The following C2CD3 variants were observed in gnomAD, a reference collection of about 807,000 sequenced individuals.
The protein encoded by C2CD3 is C2 domain-containing protein 3.
Under a neutral mutation model 234.0 loss-of-function variants are expected in C2CD3, and 148 were observed. That is an observed-to-expected ratio of 0.63 (90% CI 0.55 to 0.72). C2CD3 has a LOEUF of 0.72. Ranked by LOEUF, C2CD3 falls within the 30% of genes least tolerant of loss-of-function variation. The pLI, the probability that C2CD3 is intolerant of heterozygous loss-of-function variation, is 0.00. For synonymous variants in C2CD3, 1,000 were observed against 1,035.4 expected (o/e 0.97, Z 0.66); for missense variants, 2,577 against 2,811.5 (o/e 0.92, Z 1.89).
chr11:74,076,655 A>G (rs2135463008), intron 23 of C2CD3, among the ~76,000 whole-genome samples: 1 of 152,264 alleles, frequency 6.6e-6, no homozygotes, highest in Middle Eastern at 3.4e-3. Flanking sequence ...TCACTTCCCA[A>G]TCTATGTATC....
chr11:74,058,634 G>A (rs557927828), intron 24 of C2CD3, among the ~76,000 whole-genome samples: 8 of 152,146 alleles, frequency 5.3e-5, no homozygotes, highest in African/African-American at 1.4e-4. Flanking sequence ...CTACTATGGG[G>A]TTAACAAATG....
chr11:74,116,795 C>T (rs201764609), intron 9 of C2CD3, among the ~76,000 whole-genome samples: 1 of 143,260 alleles, frequency 7.0e-6, no homozygotes, highest in Non-Finnish European at 1.5e-5. Flanking sequence ...TATATACACA[C>T]ACACACGTAT....
At chr11:74,119,449 T>TA (rs1379233612) in intron 8 of C2CD3, among the ~76,000 whole-genome samples, 1 of 151,990 alleles carries the variant, frequency 6.6e-6, no homozygotes, top group Non-Finnish European at 1.5e-5. Flanking sequence ...GTTCCATTTT[T>TA]AAAAAAAGAC....
chr11:74,040,353 C>A (rs1199132838), intron 29 of C2CD3, among the ~76,000 whole-genome samples: 2 of 152,130 alleles, frequency 1.3e-5, no homozygotes, highest in Non-Finnish European at 2.9e-5. Context: ...AAGGTTGGGG[C>A]TGCTGGTCTA....
chr11:74,116,186 C>A (rs1169286275), intron 9 of C2CD3, among the ~76,000 whole-genome samples: 8 of 152,150 alleles, frequency 5.3e-5, no homozygotes, highest in African/African-American at 1.9e-4. Context: ...AGTAAACAGA[C>A]AACCCACAGA....
At chr11:74,112,139 A>G (rs1956773257) in intron 11 of C2CD3, among the ~76,000 whole-genome samples, 1 of 152,208 alleles carries the variant, frequency 6.6e-6, no homozygotes. Context: ...AAATTTAAAA[A>G]TCCCGTGTTA....
intron 32 of C2CD3, among the ~76,000 whole-genome samples, chr11:74,021,800 G>A (rs1406267986): frequency 6.6e-6 from 1 of 152,192 alleles, no homozygotes; most frequent in Non-Finnish European, 1.5e-5. Flanking sequence ...AATGGTGGTG[G>A]AAAAGTGCAA....
intron 32 of C2CD3, 33 bp downstream of exon 32, chr11:74,028,254 T>C: frequency 1.1e-5 from 15 of 1,407,252 alleles, no homozygotes; most frequent in Non-Finnish European, 1.4e-5. Context: ...ATGATGACTC[T>C]ATAGAAGAAA....
chr11:74,017,741 C>T (rs1294430777), intron 32 of C2CD3, among the ~76,000 whole-genome samples: 1 of 152,232 alleles, frequency 6.6e-6, no homozygotes, highest in African/African-American at 2.4e-5. Flanking sequence ...TATCCCGGCC[C>T]TTGGCTCCTT....
In C2CD3 at chr11:74,132,837, T is replaced by C. The variant is rs771594582; in HGVS notation, c.1217+7A>G. On this transcript the variant is annotated splice_region_variant and intron_variant, in intron 7 of 32. Transcript: ENST00000334126. ...TAAAAGGAAGAAAGCCAGTTAATAG[T>C]GCTTACCTGCCTAATAGCAGCTGTA... 1 of 1,612,626 alleles carries C rather than the reference T, an allele frequency of 6.2e-7. No individual in the cohort carries two copies. Among genetic ancestry groups the C allele is most frequent in the Non-Finnish European group, 8.5e-7 (1 of 1,179,344 alleles).
chr11:74,065,821 A>G (rs1481561031), intron 24 of C2CD3, among the ~76,000 whole-genome samples: 5 of 149,222 alleles, frequency 3.4e-5, no homozygotes, highest in Non-Finnish European at 5.9e-5. Context: ...GAACAAAAAA[A>G]CCAAACACCG....
In C2CD3 at chr11:74,013,108, C is replaced by T. The variant is rs1309506963; in HGVS notation, c.*277G>A. On this transcript the variant is annotated 3_prime_UTR_variant, in exon 33 of 33. Coordinates refer to ENST00000334126, the MANE Select transcript of C2CD3 (RefSeq NM_001286577.2). ...GCGTTTCTCCACCGAAAGATGCCTG[C>T]TTGGGTCCCACTTGGGCGCGGATTC... The T allele has an allele frequency of 4.7e-6, 1 of 214,216 alleles. No individual in the cohort carries two copies. The highest frequency in any genetic ancestry group is 9.2e-6 in the Non-Finnish European group (1 of 109,212). 13.3% of individuals were successfully genotyped at this position (214,216 alleles called of 1,614,324 possible).
At position 74,100,942 on chromosome 11, in the gene C2CD3, G is replaced by T. The variant is rs12575211; in HGVS notation, c.2581-266C>A. On this transcript the variant is annotated intron_variant, in intron 14 of 32. Transcript: ENST00000334126. ...GTGGAGCTTTGAGGACACAGAGAAG[G>T]TTGTTAAATATGTCAAACATGGTGC... is the stretch of plus-strand genomic sequence containing the variant. 0.18 allele frequency among the ~76,000 whole-genome samples: 26,978 copies of T among 152,140 alleles called. 2,606 individuals carry two copies. Among genetic ancestry groups the T allele is most frequent in the East Asian group, 0.3 (1,545 of 5,174 alleles).
At chr11:74,130,352 A>G (rs549624353) in intron 7 of C2CD3, among the ~76,000 whole-genome samples, 26 of 151,778 alleles carry the variant, frequency 1.7e-4, no homozygotes, top group African/African-American at 6.3e-4. Context: ...CAGTCTCCTG[A>G]GTAGCTAGGA....
intron 13 of C2CD3, among the ~76,000 whole-genome samples, chr11:74,104,548 G>A (rs1956439775): frequency 1.3e-5 from 2 of 152,098 alleles, no homozygotes; most frequent in African/African-American, 4.8e-5. Context: ...CAGAGAGAGA[G>A]AGGCAGAGAA....
chr11:74,059,659 A>G lies in C2CD3; in HGVS notation c.4952-2115T>C, dbSNP rs374689763. Reference sequence around the variant, plus strand: ...GTTTAACATTTAACAAGTAGTCTTGAAAGAGGTTCCAAGATGGCCGAATAG... The same window carrying G: ...GTTTAACATTTAACAAGTAGTCTTGGAAGAGGTTCCAAGATGGCCGAATAG... On this transcript the variant is annotated intron_variant, in intron 24 of 32. Transcript: ENST00000334126. Among the ~76,000 whole-genome samples, 29 of 152,286 alleles carry G rather than the reference A, an allele frequency of 1.9e-4. No individual in the cohort carries two copies. In the South Asian group the frequency reaches 5.8e-3, roughly 30 times the overall value.
chr11:74,039,203 A>T (rs1952893360), intron 29 of C2CD3, among the ~76,000 whole-genome samples: 1 of 152,234 alleles, frequency 6.6e-6, no homozygotes, highest in Admixed American at 6.5e-5. Context: ...TTGTTAGACC[A>T]GTGTAGAACC....
At chr11:74,116,722 GC>G (rs918219597) in intron 9 of C2CD3, among the ~76,000 whole-genome samples, 12 of 150,640 alleles carry the variant, frequency 8.0e-5, no homozygotes, top group African/African-American at 2.9e-4. Context: ...TATGGAACCA[GC>G]CTAAATGCCC....
chr11:74,063,965 A>ACCATTTGTTACATACATT, intron 24 of C2CD3, among the ~76,000 whole-genome samples: 1 of 152,076 alleles, frequency 6.6e-6, no homozygotes, highest in Non-Finnish European at 1.5e-5. Flanking sequence ...TTTGTTACAT[A>ACCATTTGTTACATACATT]TGTATACATG....
Sources: allele counts gnomAD v4.1 joint callset (sites outside exome capture counted in the v4.1 genomes callset), GRCh38; gene constraint gnomAD v4.1.1; transcripts MANE v1.5; gene names NCBI Gene and HGNC (gene_info 2026-07-23, HGNC 2026-07-21).